The following DMD variants were observed in gnomAD, a reference collection of about 807,000 sequenced individuals.
DMD encodes mutant dystrophin.
DMD carries 63 observed loss-of-function variants against 330.1 expected under a neutral mutation model. That is an observed-to-expected ratio of 0.19 (90% CI 0.16 to 0.24). DMD has a LOEUF of 0.24. Ranked by LOEUF, DMD falls within the 10% of genes least tolerant of loss-of-function variation. DMD has a pLI of 1.00. For missense variants in DMD, 3,344 were observed against 2,684.1 expected, an observed-to-expected ratio of 1.25 and a Z score of -5.43; for synonymous variants, 1,223 against 959.8, an observed-to-expected ratio of 1.27 and a Z score of -5.07.
At chrX:31,206,531 G>A in intron 66 of DMD, 51 bp downstream of exon 66, 1 of 1,018,322 alleles carries the variant, frequency 9.8e-7, no homozygotes, top group Non-Finnish European at 1.4e-6. Flanking sequence ...TAGAACTAGG[G>A]TAATTAGCCA....
intron 43 of DMD, among the ~76,000 whole-genome samples, chrX:32,224,128 T>C (rs974369338): frequency 9.0e-6 from 1 of 111,427 alleles, no homozygotes; most frequent in African/African-American, 3.3e-5. Flanking sequence ...ATTATGTGTG[T>C]ATTCCAAATA....
chrX:32,837,163 T>C (rs2079723980), intron 4 of DMD, among the ~76,000 whole-genome samples: 1 of 111,970 alleles, frequency 8.9e-6, no homozygotes, highest in African/African-American at 3.2e-5. Flanking sequence ...AGTCCTCATT[T>C]CGCACAGAAA....
At chrX:32,095,903 A>G (rs1175890902) in intron 44 of DMD, among the ~76,000 whole-genome samples, 2 of 58,017 alleles carry the variant, frequency 3.4e-5, no homozygotes, top group South Asian at 7.3e-4. Flanking sequence ...ACAGTTGATT[A>G]TAAGTTTTTT....
chrX:31,285,825 T>G (rs1258187354), intron 62 of DMD, among the ~76,000 whole-genome samples: 1 of 111,478 alleles, frequency 9.0e-6, no homozygotes, highest in Non-Finnish European at 1.9e-5. Context: ...GAAAATAAAT[T>G]TAGGTAAAAC....
intron 1 of DMD, among the ~76,000 whole-genome samples, chrX:33,151,251 A>T (rs772908056): frequency 3.5e-5 from 4 of 112,688 alleles, no homozygotes; most frequent in Non-Finnish European, 7.5e-5. Flanking sequence ...GGTCTCTGGA[A>T]CAAGTTATAT....
intron 51 of DMD, among the ~76,000 whole-genome samples, chrX:31,734,308 A>G (rs1419592332): frequency 9.0e-6 from 1 of 110,709 alleles, no homozygotes; most frequent in African/African-American, 3.3e-5. Context: ...ATTTCTTAAT[A>G]GCAAAGACAT....
intron 59 of DMD, among the ~76,000 whole-genome samples, chrX:31,456,834 A>ATGTGTGTGTG (rs1172234432): frequency 2.1e-4 from 14 of 67,086 alleles, no homozygotes; most frequent in African/African-American, 7.9e-4. Context: ...GTGCCCACAT[A>ATGTGTGTGTG]TATGTGTGTG....
chrX:32,074,099 T>A (rs1272531326), intron 44 of DMD, among the ~76,000 whole-genome samples: 2 of 111,078 alleles, frequency 1.8e-5, no homozygotes, highest in African/African-American at 6.5e-5. Context: ...AAAAAAATAA[T>A]CAACCATATA....
intron 18 of DMD, among the ~76,000 whole-genome samples, chrX:32,502,695 CATATT>C (rs775300247): frequency 4.7e-4 from 53 of 112,175 alleles, no homozygotes; most frequent in Admixed American, 4.6e-3. Context: ...ACTTAACAAT[CATATT>C]ATAACAAAGA....
At chrX:32,760,513 C>G (rs2072139034) in intron 7 of DMD, among the ~76,000 whole-genome samples, 1 of 111,504 alleles carries the variant, frequency 9.0e-6, no homozygotes, top group East Asian at 2.8e-4. Context: ...TATCTCTCTC[C>G]CATTCTACTG....
rs1309678756 is a variant in DMD at position 32,389,573 on chromosome X, C to T, written c.4446G>A (p.Lys1482=). The change falls in exon 32 of 79, where the codon AAG becomes AAA. Residue 1482 remains lysine, a synonymous_variant. Coordinates refer to ENST00000357033, the MANE Select transcript of DMD (RefSeq NM_004006.3). ...QESKMILDEV[K]MHLPALETKS... ...TTGTTTCCAATGCAGGCAAGTGCAT[C>T]TTCACTTCATCTAAAATCATCTTAC... 1 of 1,210,628 alleles carries T rather than the reference C, an allele frequency of 8.3e-7. No homozygotes were observed. Among genetic ancestry groups the T allele is most frequent in the East Asian group, 3.0e-5 (1 of 33,765 alleles).
intron 30 of DMD, among the ~76,000 whole-genome samples, chrX:32,399,967 T>C (rs1421738702): frequency 9.0e-6 from 1 of 111,569 alleles, no homozygotes; most frequent in Non-Finnish European, 1.9e-5. Context: ...CCTGCCTAAT[T>C]GCCCTGGCCA....
At chrX:33,157,286 G>A (rs1207384459) in intron 1 of DMD, among the ~76,000 whole-genome samples, 1 of 110,990 alleles carries the variant, frequency 9.0e-6, no homozygotes, top group African/African-American at 3.3e-5. Flanking sequence ...CCATTCTTTG[G>A]CTTATAGACA....
intron 44 of DMD, among the ~76,000 whole-genome samples, chrX:32,087,902 A>C (rs960735138): frequency 8.9e-6 from 1 of 112,299 alleles, no homozygotes; most frequent in Non-Finnish European, 1.9e-5. Flanking sequence ...TTATTTCTGG[A>C]TATAAGGCAC....
intron 61 of DMD, among the ~76,000 whole-genome samples, chrX:31,324,110 T>C (rs892248739): frequency 3.6e-5 from 4 of 111,746 alleles, no homozygotes; most frequent in Non-Finnish European, 7.5e-5. Flanking sequence ...TAAAGTAATA[T>C]GCTTATCACT....
chrX:31,158,810 A>C (rs991357915), intron 74 of DMD, among the ~76,000 whole-genome samples: 4 of 112,237 alleles, frequency 3.6e-5, no homozygotes, highest in Non-Finnish European at 7.5e-5. Flanking sequence ...CATAAAAGAA[A>C]AATGGTATGC....
chrX:31,326,435 G>C (rs921882656), intron 61 of DMD, among the ~76,000 whole-genome samples: 19 of 110,179 alleles, frequency 1.7e-4, no homozygotes, highest in African/African-American at 5.9e-4. Context: ...CTTATGTGTA[G>C]CCATCAAATA....
At chrX:32,283,138 C>A (rs1603629914) in intron 43 of DMD, among the ~76,000 whole-genome samples, 1 of 111,539 alleles carries the variant, frequency 9.0e-6, no homozygotes, top group South Asian at 3.8e-4. Context: ...AGAGCAAAGA[C>A]ATATATAGCA....
intron 29 of DMD, among the ~76,000 whole-genome samples, chrX:32,414,273 G>T (rs1294370124): frequency 9.0e-6 from 1 of 111,374 alleles, no homozygotes; most frequent in Non-Finnish European, 1.9e-5. Flanking sequence ...GGCTACCTCT[G>T]GCACCTTCTA....
Sources: allele counts gnomAD v4.1 joint callset (sites outside exome capture counted in the v4.1 genomes callset), GRCh38; gene constraint gnomAD v4.1.1; transcripts MANE v1.5; gene names NCBI Gene and HGNC (gene_info 2026-07-23, HGNC 2026-07-21).